Variants in PPARGC1A observed in about 807,000 individuals in gnomAD.
PPARGC1A encodes the protein PPARG coactivator 1 alpha, also known as peroxisome proliferator-activated receptor gamma coactivator 1-alpha.
A neutral mutation model predicts 88.7 loss-of-function variants in PPARGC1A; 25 were observed. The observed-to-expected ratio is 0.28, with a 90% CI of 0.21 to 0.39. PPARGC1A has a LOEUF of 0.39. Among genes scored for constraint, PPARGC1A ranks in the 10% least tolerant of loss-of-function variants. PPARGC1A has a pLI of 1.00. For synonymous variants in PPARGC1A, 363 were observed against 355.6 expected (o/e 1.02, Z -0.24); for missense variants, 880 against 968.7 (o/e 0.91, Z 1.22).
At chr4:24,040,657 C>A in the PPARGC1A span, among the ~76,000 whole-genome samples, 1 of 152,114 alleles carries the variant, frequency 6.6e-6, no homozygotes, top group Non-Finnish European at 1.5e-5. Context: ...AATGCAACAC[C>A]GGAGCTTACA....
At chr4:24,288,280 G>C in the PPARGC1A span, among the ~76,000 whole-genome samples, 1 of 152,258 alleles carries the variant, frequency 6.6e-6, no homozygotes, top group South Asian at 2.1e-4. Flanking sequence ...TATGACCCTA[G>C]CTGGGTTTCT....
chr4:24,081,520 G>A, the PPARGC1A span, among the ~76,000 whole-genome samples: 12 of 152,264 alleles, frequency 7.9e-5, no homozygotes, highest in East Asian at 7.7e-4. Flanking sequence ...CAAGAAGCTC[G>A]TGCCCAAAGC....
the PPARGC1A span, among the ~76,000 whole-genome samples, chr4:23,971,631 T>G: frequency 2.0e-5 from 3 of 152,126 alleles, no homozygotes; most frequent in African/African-American, 7.2e-5. Context: ...CTGTTCACAT[T>G]TTTCTGCCTG....
chr4:24,059,265 C>T, the PPARGC1A span, among the ~76,000 whole-genome samples: 1 of 152,184 alleles, frequency 6.6e-6, no homozygotes, highest in South Asian at 2.1e-4. Flanking sequence ...AGAACAGCAT[C>T]TGGCCTCACC....
the PPARGC1A span, among the ~76,000 whole-genome samples, chr4:24,409,236 T>C: frequency 6.6e-6 from 1 of 152,226 alleles, no homozygotes; most frequent in Non-Finnish European, 1.5e-5. Flanking sequence ...GCATCACAGA[T>C]GTTATTTTAA....
chr4:23,990,192 AAG>A, the PPARGC1A span, among the ~76,000 whole-genome samples: 1 of 148,726 alleles, frequency 6.7e-6, no homozygotes, highest in African/African-American at 2.5e-5. Flanking sequence ...CTTGGTTAAA[AAG>A]AGGTCACATC....
chr4:24,182,223 A>T, the PPARGC1A span, among the ~76,000 whole-genome samples: 1 of 151,854 alleles, frequency 6.6e-6, no homozygotes, highest in Admixed American at 6.6e-5. Flanking sequence ...TTCAACTCCC[A>T]CTTATGAGTG....
the PPARGC1A span, among the ~76,000 whole-genome samples, chr4:23,913,261 TATATATAGAG>T: frequency 0.021 from 1,143 of 54,474 alleles, 7 homozygotes; most frequent in South Asian, 0.033. Flanking sequence ...TATATATATA[TATATATAGAG>T]AGAGAGAGAG....
chr4:24,020,430 G>A, the PPARGC1A span, among the ~76,000 whole-genome samples: 1 of 152,078 alleles, frequency 6.6e-6, no homozygotes, highest in South Asian at 2.1e-4. Context: ...CAGTCAGCCA[G>A]GGCTTTTAGG....
the PPARGC1A span, among the ~76,000 whole-genome samples, chr4:24,395,402 A>G: frequency 1.3e-5 from 2 of 152,166 alleles, no homozygotes; most frequent in African/African-American, 4.8e-5. Context: ...ATGCTCACTT[A>G]AATAATATAG....
the PPARGC1A span, among the ~76,000 whole-genome samples, chr4:23,990,891 C>G: frequency 6.6e-6 from 1 of 152,014 alleles, no homozygotes; most frequent in Admixed American, 6.6e-5. Context: ...CCCTCTGATA[C>G]AGAAATTCAC....
At chr4:24,170,193 T>C in the PPARGC1A span, among the ~76,000 whole-genome samples, 1 of 151,938 alleles carries the variant, frequency 6.6e-6, no homozygotes. Flanking sequence ...TGCTACTGAG[T>C]GGTGGTGAAG....
the PPARGC1A span, among the ~76,000 whole-genome samples, chr4:24,058,987 GA>G: frequency 6.6e-6 from 1 of 152,114 alleles, no homozygotes; most frequent in Non-Finnish European, 1.5e-5. Flanking sequence ...GAGAAAAGAA[GA>G]AAAAATGACT....
At chr4:24,259,795 T>A in the PPARGC1A span, among the ~76,000 whole-genome samples, 2 of 152,216 alleles carry the variant, frequency 1.3e-5, no homozygotes, top group African/African-American at 4.8e-5. Flanking sequence ...GCTGAGATAC[T>A]GTTATAATTA....
chr4:24,126,551 G>A, the PPARGC1A span, among the ~76,000 whole-genome samples: 4 of 152,160 alleles, frequency 2.6e-5, no homozygotes, highest in African/African-American at 4.8e-5. Context: ...CTCAGAGAGA[G>A]GGAGGCAGGA....
chr4:23,820,083 G>A (rs1349899571), intron 7 of PPARGC1A, among the ~76,000 whole-genome samples: 2 of 152,146 alleles, frequency 1.3e-5, no homozygotes, highest in African/African-American at 4.8e-5. Context: ...CAACATAAAA[G>A]TGGTAGTTAC....
chr4:24,329,218 G>A, the PPARGC1A span, among the ~76,000 whole-genome samples: 6 of 151,764 alleles, frequency 4.0e-5, no homozygotes, highest in Non-Finnish European at 8.8e-5. Context: ...AGTGAAACCA[G>A]CCAAGTTCAT....
At chr4:24,420,398 T>C in the PPARGC1A span, among the ~76,000 whole-genome samples, 4 of 152,278 alleles carry the variant, frequency 2.6e-5, no homozygotes, top group Non-Finnish European at 4.4e-5. Flanking sequence ...AATTCTCCTT[T>C]GATTATTTTT....
chr4:24,107,394 A>G, the PPARGC1A span, among the ~76,000 whole-genome samples: 1 of 152,198 alleles, frequency 6.6e-6, no homozygotes, highest in Non-Finnish European at 1.5e-5. Context: ...ACTTCCGTCT[A>G]GTAGGGTTGA....
Sources: gnomAD v4.1 joint callset for allele counts (sites outside exome capture counted in the v4.1 genomes callset) on GRCh38, gnomAD v4.1.1 for gene constraint, MANE v1.5 for transcripts, NCBI Gene and HGNC (gene_info 2026-07-23, HGNC 2026-07-21) for gene names.